Variants in DIAPH3 observed in about 807,000 individuals in gnomAD.
DIAPH3 encodes diaphanous related formin 3, also known as protein diaphanous homolog 3.
Under a neutral mutation model 144.3 loss-of-function variants are expected in DIAPH3, and 117 were observed. The observed-to-expected ratio is 0.81, with a 90% CI of 0.70 to 0.95. The LOEUF (loss-of-function observed/expected upper bound fraction) is 0.95, where lower values mean the gene tolerates loss of function less well. Among genes scored for constraint, DIAPH3 ranks in the 40% least tolerant of loss-of-function variants. DIAPH3 has a pLI of 0.00. For missense variants in DIAPH3, 1,421 were observed against 1,412.7 expected (o/e 1.01, Z -0.09); for synonymous variants, 519 against 488.9 (o/e 1.06, Z -0.81).
At position 59,894,941 on chromosome 13, in the gene DIAPH3, A is replaced by G. The variant is rs1219684679; in HGVS notation, c.2368-15473T>C. 3.3e-5 allele frequency among the ~76,000 whole-genome samples: 5 copies of G among 152,240 alleles called. No homozygotes were observed. The East Asian group carries it at 9.7e-4, about 29-fold the overall frequency. On this transcript the variant is annotated intron_variant, in intron 20 of 27. Coordinates refer to ENST00000400324, the MANE Select transcript of DIAPH3 (RefSeq NM_001042517.2). ...AAACATAAAACTTCAGTAATGCCACATAGCTTACCATAAGAAGATGACACA... is the reference window on the plus strand; with the variant it reads ...AAACATAAAACTTCAGTAATGCCACGTAGCTTACCATAAGAAGATGACACA...
At chr13:59,839,172 T>G in intron 23 of DIAPH3, 152 bp downstream of exon 23, 1 of 752,452 alleles carries the variant, frequency 1.3e-6, no homozygotes, top group Non-Finnish European at 2.2e-6. Context: ...ACAGACACTT[T>G]GATAAATTTC....
intron 5 of DIAPH3, among the ~76,000 whole-genome samples, chr13:60,017,417 A>T (rs1594355754): frequency 6.6e-6 from 1 of 152,200 alleles, no homozygotes; most frequent in East Asian, 1.9e-4. Context: ...AAAAAAAAAA[A>T]AATTCAAGGA....
chr13:59,952,650 AT>A (rs1236296065), intron 17 of DIAPH3, among the ~76,000 whole-genome samples: 1 of 152,094 alleles, frequency 6.6e-6, no homozygotes, highest in Non-Finnish European at 1.5e-5. Context: ...TATTCTCTGA[AT>A]TTTTTTAACC....
At chr13:59,931,434 C>G (rs904068316) in intron 17 of DIAPH3, among the ~76,000 whole-genome samples, 10 of 152,184 alleles carry the variant, frequency 6.6e-5, no homozygotes, top group African/African-American at 2.4e-4. Flanking sequence ...AGAAAGCAAA[C>G]TCTTCACCTG....
At chr13:59,700,458 G>A (rs1457873588) in intron 27 of DIAPH3, among the ~76,000 whole-genome samples, 1 of 152,170 alleles carries the variant, frequency 6.6e-6, no homozygotes, top group Non-Finnish European at 1.5e-5. Context: ...GGAGGATGTG[G>A]CAGAGAGAGA....
chr13:59,961,198 T>A (rs867917058), intron 17 of DIAPH3, among the ~76,000 whole-genome samples: 17 of 152,212 alleles, frequency 1.1e-4, no homozygotes, highest in African/African-American at 3.9e-4. Flanking sequence ...ACTTTACAAG[T>A]TGAAATGAGT....
chr13:60,003,250 C>G (rs1166409814), intron 9 of DIAPH3, among the ~76,000 whole-genome samples: 1 of 152,058 alleles, frequency 6.6e-6, no homozygotes, highest in East Asian at 1.9e-4. Context: ...CCACATGATT[C>G]CCTGGGCCTA....
chr13:59,709,405 A>G (rs2034605257), intron 27 of DIAPH3, among the ~76,000 whole-genome samples: 1 of 152,136 alleles, frequency 6.6e-6, no homozygotes, highest in Non-Finnish European at 1.5e-5. Flanking sequence ...CAAGAAAAAA[A>G]CAAACAACCC....
intron 22 of DIAPH3, among the ~76,000 whole-genome samples, chr13:59,857,588 T>C (rs1294404617): frequency 1.2e-4 from 18 of 152,292 alleles, no homozygotes; most frequent in Admixed American, 1.2e-3. Flanking sequence ...TGAATATTGA[T>C]CTCTTCTAGA....
chr13:59,802,302 G>T (rs2039942931), intron 25 of DIAPH3, among the ~76,000 whole-genome samples: 1 of 152,078 alleles, frequency 6.6e-6, no homozygotes, highest in Non-Finnish European at 1.5e-5. Context: ...AAGTTCAACT[G>T]CATGACTTTC....
intron 27 of DIAPH3, among the ~76,000 whole-genome samples, chr13:59,760,420 TAA>T (rs1330516015): frequency 6.6e-6 from 1 of 152,216 alleles, no homozygotes; most frequent in African/African-American, 2.4e-5. Context: ...GAACTGATAA[TAA>T]AAGTTTCTTA....
intron 24 of DIAPH3, among the ~76,000 whole-genome samples, chr13:59,811,950 T>G (rs1470233338): frequency 6.6e-6 from 1 of 152,024 alleles, no homozygotes; most frequent in African/African-American, 2.4e-5. Context: ...GATTTTTAAG[T>G]GCCAACAAAG....
chr13:59,857,647 C>G (rs1382510852), intron 22 of DIAPH3, among the ~76,000 whole-genome samples: 1 of 152,156 alleles, frequency 6.6e-6, no homozygotes, highest in African/African-American at 2.4e-5. Flanking sequence ...TGGTCTAGAG[C>G]AGCAGTTCCT....
chr13:59,757,114 A>G (rs910776145), intron 27 of DIAPH3, among the ~76,000 whole-genome samples: 1 of 152,150 alleles, frequency 6.6e-6, no homozygotes, highest in Non-Finnish European at 1.5e-5. Context: ...ATGCAAAACA[A>G]TAAGACACCA....
intron 25 of DIAPH3, among the ~76,000 whole-genome samples, chr13:59,790,138 T>C (rs1449918514): frequency 6.6e-6 from 1 of 152,186 alleles, no homozygotes; most frequent in African/African-American, 2.4e-5. Flanking sequence ...GTTCAACACA[T>C]AATTAATGAC....
intron 5 of DIAPH3, among the ~76,000 whole-genome samples, chr13:60,026,710 C>T (rs1423112220): frequency 2.6e-5 from 4 of 152,072 alleles, no homozygotes; most frequent in South Asian, 2.1e-4. Flanking sequence ...AGGAAGACTT[C>T]CTCTGTAGAC....
Position 59,915,185 on chromosome 13 carries a change from G to A in DIAPH3, c.2265+970C>T, listed in dbSNP as rs150516683. ...AGGCACACATATAATCAACATGAACGAAGATGAAAATCCAGTAAAAAACAA... is the reference window on the plus strand; with the variant it reads ...AGGCACACATATAATCAACATGAACAAAGATGAAAATCCAGTAAAAAACAA... On this transcript the variant is annotated intron_variant, in intron 19 of 27. Transcript: ENST00000400324. Among the ~76,000 whole-genome samples the A allele has an allele frequency of 3.5e-3, 533 of 151,936 alleles. 3 individuals carry two copies. The highest frequency in any genetic ancestry group is 0.012 in the African/African-American group (507 of 41,442).
At chr13:60,153,120 A>G (rs1267583222) in intron 1 of DIAPH3, among the ~76,000 whole-genome samples, 3 of 152,176 alleles carry the variant, frequency 2.0e-5, no homozygotes, top group African/African-American at 2.4e-5. Flanking sequence ...TTTACTACCA[A>G]TATGGTTCTC....
intron 5 of DIAPH3, among the ~76,000 whole-genome samples, chr13:60,040,388 T>C (rs9528056): frequency 0.027 from 4,052 of 152,238 alleles, 55 homozygotes; most frequent in Non-Finnish European, 0.044. Flanking sequence ...TATTCTAGAA[T>C]TGTCCATCCT....
Sources: allele counts gnomAD v4.1 joint callset (sites outside exome capture counted in the v4.1 genomes callset), GRCh38; gene constraint gnomAD v4.1.1; transcripts MANE v1.5; gene names NCBI Gene and HGNC (gene_info 2026-07-23, HGNC 2026-07-21).